ZNF569: variants seen among roughly 807,000 people sequenced by gnomAD.
The protein encoded by ZNF569 is zinc finger protein 569, also known as DNA-binding protein.
Under a neutral mutation model 56.3 loss-of-function variants are expected in ZNF569, and 38 were observed. The observed-to-expected ratio is 0.68, with a 90% confidence interval of 0.52 to 0.88. The LOEUF (loss-of-function observed/expected upper bound fraction) is 0.88, where lower values mean the gene tolerates loss of function less well. Among genes scored for constraint, ZNF569 ranks in the 40% least tolerant of loss-of-function variants. The probability of loss-of-function intolerance (pLI) is 0.00; values close to 1 mark genes in which losing one functional copy is unlikely to be tolerated. For missense variants in ZNF569, 666 were observed against 809.2 expected (o/e 0.82, Z 2.15); for synonymous variants, 241 against 262.9 (o/e 0.92, Z 0.81).
At chr19:37,441,398 G>A (rs1324637212) in intron 3 of ZNF569, among the ~76,000 whole-genome samples, 2 of 152,222 alleles carry the variant, frequency 1.3e-5, no homozygotes, top group African/African-American at 4.8e-5. Context: ...GCTCATGCCT[G>A]TAATCCCAAC....
chr19:37,467,856 T>G (rs1273522178), upstream of ZNF569: 1 of 1,535,586 alleles, frequency 6.5e-7, no homozygotes. Context: ...TTCTCGTGGC[T>G]GTTTGATTCT....
At chr19:37,422,301 GGGAGAGAGACGGGAATGGGT>G in intron 5 of ZNF569, among the ~76,000 whole-genome samples, 1 of 152,236 alleles carries the variant, frequency 6.6e-6, no homozygotes, top group East Asian at 1.9e-4. Flanking sequence ...CCCAGAAAAA[GGGAGAGAGACGGGAATGGGT>G]GGTCAGTAGA....
At chr19:37,433,954 G>C (rs2041265682) in intron 3 of ZNF569, among the ~76,000 whole-genome samples, 1 of 152,120 alleles carries the variant, frequency 6.6e-6, no homozygotes, top group South Asian at 2.1e-4. Flanking sequence ...AGAAAATGCA[G>C]AATGTTATAA....
At chr19:37,424,815 C>CAAAAAAAA (rs71177448) in intron 5 of ZNF569, among the ~76,000 whole-genome samples, 1 of 33,554 alleles carries the variant, frequency 3.0e-5, no homozygotes, top group Non-Finnish European at 5.5e-5. Flanking sequence ...GACTCTGTCT[C>CAAAAAAAA]AAAAAAAAAA....
upstream of ZNF569, among the ~76,000 whole-genome samples, chr19:37,468,558 C>G (rs1303018736): frequency 6.6e-6 from 1 of 152,152 alleles, no homozygotes; most frequent in Non-Finnish European, 1.5e-5. Context: ...TGCAGTGGCG[C>G]GATCTCGGCT....
chr19:37,415,956 A>G (rs1295793474), intron 5 of ZNF569, among the ~76,000 whole-genome samples: 1 of 151,288 alleles, frequency 6.6e-6, no homozygotes, highest in Non-Finnish European at 1.5e-5. Context: ...AAAAGGCGTG[A>G]GTGCAGTGGC....
intron 2 of ZNF569, among the ~76,000 whole-genome samples, chr19:37,456,454 C>A (rs2041671919): frequency 6.6e-6 from 1 of 151,988 alleles, no homozygotes; most frequent in South Asian, 2.1e-4. Context: ...CTTAACATTT[C>A]TACTTCTCTC....
chr19:37,432,500 C>T (rs1337349671), intron 3 of ZNF569, among the ~76,000 whole-genome samples: 1 of 152,228 alleles, frequency 6.6e-6, no homozygotes, highest in Non-Finnish European at 1.5e-5. Context: ...TGACCAAAAA[C>T]TTAGATCACA....
At chr19:37,448,482 A>G (rs2146948984) in intron 2 of ZNF569, among the ~76,000 whole-genome samples, 1 of 151,510 alleles carries the variant, frequency 6.6e-6, no homozygotes, top group South Asian at 2.1e-4. Context: ...TGATCTTTTC[A>G]AAGAACAAGC....
Position 37,411,905 on chromosome 19 carries a change from A to G in ZNF569, c.*692T>C, listed in dbSNP as rs1600282042. The stretch of plus-strand genomic sequence containing the variant: ...ATTGTTTAAATGACAGCAGCTTTAA[A>G]TAAGTACATGATATATCTAATAATA... On this transcript the variant is annotated 3_prime_UTR_variant, in exon 6 of 6. Transcript: ENST00000316950. The G allele has an allele frequency of 6.6e-6, 1 of 152,166 alleles. No homozygotes were observed. The highest frequency in any genetic ancestry group is 6.5e-5 in the Admixed American group (1 of 15,280). The allele number at this position is 152,166 out of a possible 1,614,324, so 9.4% of individuals were successfully genotyped here.
chr19:37,429,279 TGG>T, intron 3 of ZNF569, among the ~76,000 whole-genome samples: 1 of 152,330 alleles, frequency 6.6e-6, no homozygotes, highest in Middle Eastern at 3.4e-3. Flanking sequence ...TCCTGTAGAC[TGG>T]TAAGTCAATG....
chr19:37,413,176 A>G lies in ZNF569; in HGVS notation c.1482T>C (p.Tyr494=), dbSNP rs2040867925. The change falls in exon 6 of 6, where the codon TAT becomes TAC. Residue 494 remains tyrosine (Y), a synonymous_variant. Coordinates refer to ENST00000316950, the MANE Select transcript of ZNF569 (RefSeq NM_152484.3). ...AGGCTTTACCACATTCATTGCATTCATAGGGTTTCTCTCCAGAATGAATTT... is the reference window on the plus strand; with the variant it reads ...AGGCTTTACCACATTCATTGCATTCGTAGGGTTTCTCTCCAGAATGAATTT... ...HEKIHSGEKP[Y]ECNECGKAFS... 1 of 1,606,846 alleles carries G rather than the reference A, an allele frequency of 6.2e-7. No individual in the cohort carries two copies. The highest frequency in any genetic ancestry group is 8.5e-7 in the Non-Finnish European group (1 of 1,177,550).
chr19:37,433,233 A>C (rs535871794), intron 3 of ZNF569, among the ~76,000 whole-genome samples: 55 of 152,252 alleles, frequency 3.6e-4, no homozygotes, highest in African/African-American at 1.3e-3. Context: ...GTCACTGAAC[A>C]ACAGAATTGA....
At position 37,413,044 on chromosome 19, in the gene ZNF569, G is replaced by C; in HGVS notation, c.1614C>G (p.Thr538=). Reference sequence around the variant, plus strand: ...CCCCTGTATGACTTCTCAAATGAAGGGTAAGGGATGCAATTTGAGAGAAGG... The same window carrying C: ...CCCCTGTATGACTTCTCAAATGAAGCGTAAGGGATGCAATTTGAGAGAAGG... ...GKAFSQIASL[T]LHLRSHTGEK... Residue 538 remains threonine, a synonymous_variant, in exon 6 of 6, where the codon ACC becomes ACG. Coordinates refer to ENST00000316950, the MANE Select transcript of ZNF569 (RefSeq NM_152484.3). 6.2e-7 allele frequency: 1 copy of C among 1,613,168 alleles called. No individual in the cohort carries two copies. The highest frequency in any genetic ancestry group is 8.5e-7 in the Non-Finnish European group (1 of 1,179,662).
chr19:37,440,374 C>T (rs2041383959), intron 3 of ZNF569, among the ~76,000 whole-genome samples: 1 of 151,706 alleles, frequency 6.6e-6, no homozygotes. Context: ...ATAGGTAAAT[C>T]CACAGAGACA....
intron 5 of ZNF569, 81 bp from the exon 6 acceptor site, chr19:37,414,500 AT>A: frequency 6.7e-7 from 1 of 1,489,096 alleles, no homozygotes; most frequent in Non-Finnish European, 8.9e-7. Flanking sequence ...AAAATATGCA[AT>A]TATGGGACTG....
chr19:37,448,692 T>G (rs1308896885), intron 2 of ZNF569, among the ~76,000 whole-genome samples: 1 of 150,682 alleles, frequency 6.6e-6, no homozygotes, highest in East Asian at 2.0e-4. Flanking sequence ...GCCTCGCGAG[T>G]AGCTGGGACT....
intron 5 of ZNF569, among the ~76,000 whole-genome samples, chr19:37,418,571 A>C (rs1229928923): frequency 4.6e-5 from 7 of 152,190 alleles, no homozygotes; most frequent in South Asian, 4.1e-4. Flanking sequence ...CTGCAGACGA[A>C]GATGTCAAAA....
At chr19:37,420,669 T>C (rs1343308267) in intron 5 of ZNF569, among the ~76,000 whole-genome samples, 1 of 152,336 alleles carries the variant, frequency 6.6e-6, no homozygotes, top group East Asian at 1.9e-4. Flanking sequence ...CACTGAAGCC[T>C]TGAATCCTTC....
Sources: gnomAD v4.1 joint callset for allele counts (sites outside exome capture counted in the v4.1 genomes callset) on GRCh38, gnomAD v4.1.1 for gene constraint, MANE v1.5 for transcripts, NCBI Gene and HGNC (gene_info 2026-07-23, HGNC 2026-07-21) for gene names.